Variants in CTNND2 observed in about 807,000 individuals in gnomAD.
The protein encoded by CTNND2 is catenin delta-2.
In CTNND2, 22 loss-of-function variants were observed where a neutral mutation model predicts 144.4. That is an observed-to-expected ratio of 0.15 (90% CI 0.11 to 0.22). CTNND2 has a LOEUF of 0.22. Among genes scored for constraint, CTNND2 ranks in the 10% least tolerant of loss-of-function variants. The pLI is 1.00. For synonymous variants in CTNND2, 751 were observed against 695.6 expected, an observed-to-expected ratio of 1.08 and a Z score of -1.25; for missense variants, 1,353 against 1,618.8, an observed-to-expected ratio of 0.84 and a Z score of 2.82.
At chr5:11,638,389 A>G (rs1366398) in intron 2 of CTNND2, among the ~76,000 whole-genome samples, 11,311 of 152,336 alleles carry the variant, frequency 0.074, 576 homozygotes, top group Non-Finnish European at 0.12. Context: ...AAGCACTAGC[A>G]TTAGTCTAAG....
At chr5:11,825,419 TA>T (rs1473709584) in intron 1 of CTNND2, among the ~76,000 whole-genome samples, 7 of 152,046 alleles carry the variant, frequency 4.6e-5, no homozygotes, top group Admixed American at 4.6e-4. Context: ...AAAAAGAATT[TA>T]AAAAATTAAA....
At chr5:11,570,535 T>A (rs1341648668) in intron 2 of CTNND2, among the ~76,000 whole-genome samples, 1 of 152,208 alleles carries the variant, frequency 6.6e-6, no homozygotes, top group African/African-American at 2.4e-5. Flanking sequence ...AGGTTGGAAA[T>A]CATTTTCCTT....
intron 11 of CTNND2, among the ~76,000 whole-genome samples, chr5:11,184,865 A>G (rs546359977): frequency 6.6e-6 from 1 of 152,308 alleles, no homozygotes; most frequent in South Asian, 2.1e-4. Context: ...AAAGGCAAAT[A>G]TGGATGGAAG....
intron 7 of CTNND2, among the ~76,000 whole-genome samples, chr5:11,369,289 T>A (rs1401561813): frequency 6.6e-6 from 1 of 152,178 alleles, no homozygotes; most frequent in Non-Finnish European, 1.5e-5. Flanking sequence ...AAATTAAATC[T>A]CCAAATTGAA....
At chr5:11,086,382 C>T (rs915960334) in intron 15 of CTNND2, among the ~76,000 whole-genome samples, 5 of 152,076 alleles carry the variant, frequency 3.3e-5, no homozygotes, top group Non-Finnish European at 4.4e-5. Context: ...ATCCTCTGTG[C>T]GGGACTATAC....
chr5:11,074,043 C>T (rs1469588960), intron 16 of CTNND2, among the ~76,000 whole-genome samples: 1 of 152,178 alleles, frequency 6.6e-6, no homozygotes, highest in African/African-American at 2.4e-5. Flanking sequence ...GTACTAAAAA[C>T]AGCACGTTGC....
At chr5:11,275,192 G>A (rs448972) in intron 9 of CTNND2, among the ~76,000 whole-genome samples, 35,214 of 151,994 alleles carry the variant, frequency 0.23, 4,143 homozygotes, top group Middle Eastern at 0.33. Context: ...ATGGGGTAGC[G>A]GCTACTAATG....
chr5:11,433,100 G>A (rs1423162873), intron 3 of CTNND2, among the ~76,000 whole-genome samples: 1 of 152,122 alleles, frequency 6.6e-6, no homozygotes, highest in Non-Finnish European at 1.5e-5. Context: ...AAAAAAATTA[G>A]CTGGGTGTGG....
intron 10 of CTNND2, among the ~76,000 whole-genome samples, chr5:11,212,063 T>C (rs1738693693): frequency 2.0e-5 from 3 of 152,128 alleles, no homozygotes; most frequent in Admixed American, 2.0e-4. Context: ...ATGCACATAT[T>C]TTTTTTTCTT....
chr5:11,158,902 T>G (rs1317544693), intron 12 of CTNND2, among the ~76,000 whole-genome samples: 8 of 152,230 alleles, frequency 5.3e-5, no homozygotes, highest in Non-Finnish European at 1.5e-5. Context: ...TTCTAGAGTT[T>G]AGAAGAATCA....
At chr5:11,322,381 C>A (rs940648697) in intron 9 of CTNND2, among the ~76,000 whole-genome samples, 3 of 152,138 alleles carry the variant, frequency 2.0e-5, no homozygotes, top group Admixed American at 6.5e-5. Context: ...CAGTGCTTGC[C>A]ACAGAGAATC....
chr5:11,757,263 T>C (rs1412711187), intron 1 of CTNND2, among the ~76,000 whole-genome samples: 1 of 151,728 alleles, frequency 6.6e-6, no homozygotes, highest in Non-Finnish European at 1.5e-5. Flanking sequence ...AATCAGGATG[T>C]CTTCGAGACC....
intron 19 of CTNND2, among the ~76,000 whole-genome samples, chr5:10,991,913 T>TTTTATTTA (rs112831406): frequency 6.6e-6 from 1 of 152,138 alleles, no homozygotes; most frequent in African/African-American, 2.4e-5. Context: ...ACTATTTTTA[T>TTTTATTTA]TTTATTTATT....
At chr5:11,805,700 T>C (rs1791955372) in intron 1 of CTNND2, among the ~76,000 whole-genome samples, 1 of 147,640 alleles carries the variant, frequency 6.8e-6, no homozygotes, top group Non-Finnish European at 1.5e-5. Context: ...AAGGTTTGAA[T>C]AAATAAGTAA....
intron 3 of CTNND2, among the ~76,000 whole-genome samples, chr5:11,506,753 C>A (rs968476342): frequency 2.0e-5 from 3 of 152,216 alleles, no homozygotes; most frequent in Non-Finnish European, 4.4e-5. Context: ...TGCCTGATGG[C>A]TAGCAAGCCT....
chr5:11,439,761 T>TATCTATC (rs1554058815), intron 3 of CTNND2, among the ~76,000 whole-genome samples: 12 of 149,606 alleles, frequency 8.0e-5, no homozygotes, highest in African/African-American at 2.5e-4. Context: ...TCTATCTATC[T>TATCTATC]ATCTATCTAT....
intron 12 of CTNND2, among the ~76,000 whole-genome samples, chr5:11,143,204 C>A (rs1756917439): frequency 6.6e-6 from 1 of 152,182 alleles, no homozygotes; most frequent in African/African-American, 2.4e-5. Flanking sequence ...GAAAGGTGAA[C>A]CTCTTTTCCT....
At chr5:11,026,361 T>A (rs1742834898) in intron 16 of CTNND2, among the ~76,000 whole-genome samples, 2 of 147,140 alleles carry the variant, frequency 1.4e-5, no homozygotes, top group Admixed American at 1.3e-4. Context: ...TTCTTCTTTT[T>A]TTTTTTTTTT....
At chr5:11,513,996 T>C (rs1345934827) in intron 3 of CTNND2, among the ~76,000 whole-genome samples, 1 of 152,098 alleles carries the variant, frequency 6.6e-6, no homozygotes, top group Non-Finnish European at 1.5e-5. Context: ...CTGGGCAACA[T>C]AGGGAGACTT....
Sources: allele counts gnomAD v4.1 joint callset (sites outside exome capture counted in the v4.1 genomes callset), GRCh38; gene constraint gnomAD v4.1.1; transcripts MANE v1.5; gene names NCBI Gene and HGNC (gene_info 2026-07-23, HGNC 2026-07-21).